WWOX: variants seen among roughly 807,000 people sequenced by gnomAD.
WWOX encodes the protein WW domain-containing oxidoreductase.
Under a neutral mutation model 46.2 loss-of-function variants are expected in WWOX, and 69 were observed. That is an observed-to-expected ratio of 1.49 (90% CI 1.23 to 1.82). WWOX has a LOEUF of 1.82. Ranked by LOEUF, WWOX falls within the 40% of genes most tolerant of loss-of-function variation. The pLI is 0.00. For missense variants in WWOX, 919 were observed against 542.6 expected, an observed-to-expected ratio of 1.69 and a Z score of -6.89; for synonymous variants, 359 against 202.6, an observed-to-expected ratio of 1.77 and a Z score of -6.56.
intron 8 of WWOX, among the ~76,000 whole-genome samples, chr16:78,800,654 G>C (rs2050862460): frequency 6.6e-6 from 1 of 152,208 alleles, no homozygotes; most frequent in Non-Finnish European, 1.5e-5. Context: ...GGGAAGCTGA[G>C]AACAGCAAAG....
intron 4 of WWOX, chr16:78,124,289 T>C (rs1419799654): frequency 6.6e-6 from 1 of 152,198 alleles, no homozygotes. Context: ...TGGTTGTTCA[T>C]ATACGAGTGT....
chr16:79,181,052 CAA>C (rs1405872609), intron 8 of WWOX, among the ~76,000 whole-genome samples: 1 of 152,078 alleles, frequency 6.6e-6, no homozygotes, highest in African/African-American at 2.4e-5. Context: ...ATAAGTCAAA[CAA>C]TATGAATATA....
intron 8 of WWOX, among the ~76,000 whole-genome samples, chr16:78,728,914 G>A (rs946564894): frequency 6.6e-6 from 1 of 152,186 alleles, no homozygotes; most frequent in African/African-American, 2.4e-5. Flanking sequence ...ACCTAATTTA[G>A]TCATTCCAAC....
chr16:78,928,185 C>T (rs923586272), intron 8 of WWOX, among the ~76,000 whole-genome samples: 8 of 149,704 alleles, frequency 5.3e-5, no homozygotes, highest in African/African-American at 2.0e-4. Context: ...TGGAACTATG[C>T]TTTTCCCTAC....
chr16:78,627,214 C>G (rs11860178), intron 8 of WWOX, among the ~76,000 whole-genome samples: 2 of 152,110 alleles, frequency 1.3e-5, no homozygotes, highest in South Asian at 2.1e-4. Flanking sequence ...TCAGGCCACT[C>G]TTCCCCCTGT....
intron 8 of WWOX, among the ~76,000 whole-genome samples, chr16:78,660,723 A>T (rs530891496): frequency 5.4e-4 from 83 of 152,322 alleles, no homozygotes; most frequent in Non-Finnish European, 8.7e-4. Context: ...TCTCTCCAAA[A>T]GAGGCAGCCA....
intron 5 of WWOX, among the ~76,000 whole-genome samples, chr16:78,251,469 A>G (rs527382227): frequency 6.6e-6 from 1 of 152,262 alleles, no homozygotes; most frequent in South Asian, 2.1e-4. Flanking sequence ...CACTCTGTAC[A>G]GGTGCCAGGC....
chr16:78,178,517 A>G (rs1254016039), intron 5 of WWOX, among the ~76,000 whole-genome samples: 1 of 152,140 alleles, frequency 6.6e-6, no homozygotes, highest in Non-Finnish European at 1.5e-5. Flanking sequence ...GTAGGAATAC[A>G]TGTCAGTGCT....
At chr16:78,144,472 T>TATATATATATATATATACAC (rs1567596407) in intron 4 of WWOX, among the ~76,000 whole-genome samples, 2 of 30,506 alleles carry the variant, frequency 6.6e-5, no homozygotes, top group African/African-American at 2.9e-4. Flanking sequence ...TACACACATA[T>TATATATATATATATATACAC]ATATATATAT....
intron 5 of WWOX, among the ~76,000 whole-genome samples, chr16:78,175,291 T>G (rs1443442360): frequency 6.6e-6 from 1 of 152,146 alleles, no homozygotes; most frequent in Non-Finnish European, 1.5e-5. Flanking sequence ...CCCAAGGTTC[T>G]GAAGACCCTG....
chr16:78,890,882 T>C (rs2151227620), intron 8 of WWOX: 1 of 152,318 alleles, frequency 6.6e-6, no homozygotes, highest in South Asian at 2.1e-4. Flanking sequence ...TTAGGTACAT[T>C]CCTGCACCAC....
rs746687673 is a variant in WWOX at position 79,094,243 on chromosome 16, C to CT, written c.1057-117349dup. Among the ~76,000 whole-genome samples, 852 of 138,242 alleles carry CT rather than the reference C, an allele frequency of 6.2e-3. 4 individuals are homozygous for CT. Among genetic ancestry groups the CT allele is most frequent in the East Asian group, 8.6e-3 (41 of 4,742 alleles). 90.7% of individuals were successfully genotyped at this position (138,242 alleles called of 152,430 possible). On this transcript the variant is annotated intron_variant, in intron 8 of 8. Coordinates refer to ENST00000566780, the MANE Select transcript of WWOX (RefSeq NM_016373.4). The stretch of plus-strand genomic sequence containing the variant: ...CTCGTCTGCATTTCCTGAGGTTTTT[C>CT]TTTTTTTTTTTTTTTTCTTTTTTTC...
At chr16:78,688,110 C>T (rs1010667866) in intron 8 of WWOX, among the ~76,000 whole-genome samples, 1 of 150,128 alleles carries the variant, frequency 6.7e-6, no homozygotes, top group Non-Finnish European at 1.5e-5. Flanking sequence ...GTTATTATTT[C>T]TATATATCTT....
intron 5 of WWOX, among the ~76,000 whole-genome samples, chr16:78,324,150 T>G (rs762028315): frequency 6.6e-6 from 1 of 152,080 alleles, no homozygotes; most frequent in Non-Finnish European, 1.5e-5. Context: ...GACCGTGGCC[T>G]TTGTCATTCA....
chr16:79,179,174 C>G lies in WWOX; in HGVS notation c.1057-32434C>G, dbSNP rs146089056. 1.1e-4 allele frequency among the ~76,000 whole-genome samples: 17 copies of G among 152,326 alleles called. No individual in the cohort carries two copies. In the East Asian group the frequency reaches 3.3e-3, roughly 29 times the overall value. ...CCTGGAAGGGACATAATTAAAAGTC[C>G]TGTCTTCCAAAAGTGTAGCATTAAA... On this transcript the variant is annotated intron_variant, in intron 8 of 8. Coordinates refer to ENST00000566780, the MANE Select transcript of WWOX (RefSeq NM_016373.4).
intron 8 of WWOX, among the ~76,000 whole-genome samples, chr16:79,082,559 A>T (rs1210437933): frequency 6.6e-6 from 1 of 152,146 alleles, no homozygotes; most frequent in East Asian, 1.9e-4. Flanking sequence ...TGGGTTGATC[A>T]TTGTGGTTCA....
At chr16:79,179,071 G>C (rs1338677829) in intron 8 of WWOX, among the ~76,000 whole-genome samples, 1 of 152,186 alleles carries the variant, frequency 6.6e-6, no homozygotes, top group Non-Finnish European at 1.5e-5. Flanking sequence ...TGGAGGTCAA[G>C]AGTTAGGGGA....
intron 4 of WWOX, among the ~76,000 whole-genome samples, chr16:78,135,518 G>A (rs2033758260): frequency 6.6e-6 from 1 of 152,122 alleles, no homozygotes; most frequent in Non-Finnish European, 1.5e-5. Context: ...ATAGAAGCCA[G>A]CTTTACTGAC....
At chr16:78,342,619 G>C (rs1476757293) in intron 5 of WWOX, among the ~76,000 whole-genome samples, 1 of 120,470 alleles carries the variant, frequency 8.3e-6, no homozygotes, top group African/African-American at 2.8e-5. Flanking sequence ...TTCCAGCCAA[G>C]TGAGACAGGG....
Sources: gnomAD v4.1 joint callset for allele counts (sites outside exome capture counted in the v4.1 genomes callset) on GRCh38, gnomAD v4.1.1 for gene constraint, MANE v1.5 for transcripts, NCBI Gene and HGNC (gene_info 2026-07-23, HGNC 2026-07-21) for gene names.